Variants in CDC42SE2 observed in about 807,000 individuals in gnomAD.
CDC42SE2 encodes CDC42 small effector 2, also known as CDC42 small effector protein 2.
A neutral mutation model predicts 11.5 loss-of-function variants in CDC42SE2; 3 were observed. The ratio of observed to expected loss-of-function variants is 0.26; its 90% CI spans 0.12 to 0.67. CDC42SE2 has a LOEUF of 0.67. CDC42SE2 is among the 30% of genes least tolerant of loss of function. The pLI is 0.80. For synonymous variants in CDC42SE2, 33 were observed against 34.8 expected, an observed-to-expected ratio of 0.95 and a Z score of 0.18; for missense variants, 82 against 106.8, an observed-to-expected ratio of 0.77 and a Z score of 1.02.
At chr5:131,351,070 C>G (rs1580773186) in intron 2 of CDC42SE2, among the ~76,000 whole-genome samples, 1 of 151,976 alleles carries the variant, frequency 6.6e-6, no homozygotes, top group Non-Finnish European at 1.5e-5. Flanking sequence ...CTCAGCCCCT[C>G]CAAGTAACTG....
intron 3 of CDC42SE2, 50 bp downstream of exon 3, chr5:131,359,597 C>G (rs781477382): frequency 7.4e-7 from 1 of 1,345,298 alleles, no homozygotes; most frequent in South Asian, 1.2e-5. Flanking sequence ...ATTAAACTTT[C>G]CACTGGTTCT....
intron 2 of CDC42SE2, among the ~76,000 whole-genome samples, chr5:131,352,969 T>C (rs1325182886): frequency 6.6e-6 from 1 of 152,046 alleles, no homozygotes. Context: ...CAACTGCTCA[T>C]TGTTAGTTTT....
At chr5:131,231,779 TTTTTTTCTTTTTTC>T in the CDC42SE2 span, among the ~76,000 whole-genome samples, 1 of 151,128 alleles carries the variant, frequency 6.6e-6, no homozygotes, top group Non-Finnish European at 1.5e-5. Context: ...TTGTTATACT[TTTTTTTCTTTTTTC>T]TTTTTTCTTT....
At chr5:131,278,732 CCCT>C (rs1339736101) in intron 1 of CDC42SE2, among the ~76,000 whole-genome samples, 1 of 15,958 alleles carries the variant, frequency 6.3e-5, no homozygotes. Flanking sequence ...CTCCCCCCTC[CCCT>C]CCCCTCCCCC....
chr5:131,213,282 T>C, the CDC42SE2 span, among the ~76,000 whole-genome samples: 3 of 152,198 alleles, frequency 2.0e-5, no homozygotes, highest in African/African-American at 4.8e-5. Context: ...TCTCCAACTT[T>C]TAACTTTACT....
the CDC42SE2 span, among the ~76,000 whole-genome samples, chr5:131,236,397 TTG>T: frequency 1.2e-4 from 19 of 152,260 alleles, no homozygotes; most frequent in African/African-American, 4.3e-4. Context: ...AGTTTGGGGT[TTG>T]AGGTAGATAG....
chr5:131,318,725 T>C (rs187689624), intron 2 of CDC42SE2, among the ~76,000 whole-genome samples: 7 of 152,306 alleles, frequency 4.6e-5, no homozygotes, highest in Admixed American at 1.3e-4. Flanking sequence ...TTTAATCCAA[T>C]TGGCTTTGGA....
At chr5:131,246,761 C>CT (rs71000981) in intron 1 of CDC42SE2, among the ~76,000 whole-genome samples, 77,346 of 124,430 alleles carry the variant, frequency 0.62, 25,853 homozygotes, top group Non-Finnish European at 0.75. Context: ...CACTCAAATC[C>CT]TTTTTTTTTT....
chr5:131,312,937 G>T (rs1757960021), intron 1 of CDC42SE2, among the ~76,000 whole-genome samples: 2 of 151,946 alleles, frequency 1.3e-5, no homozygotes. Context: ...GACGGGAGCT[G>T]TTCCTATTCG....
Position 131,392,110 on chromosome 5 carries a change from A to G in CDC42SE2, c.*1019A>G, listed in dbSNP as rs1281728338. 1 of 152,570 alleles carries G rather than the reference A, an allele frequency of 6.6e-6. No individual in the cohort carries two copies. The highest frequency in any genetic ancestry group is 2.4e-5 in the African/African-American group (1 of 41,382). 9.5% of individuals were successfully genotyped at this position (152,570 alleles called of 1,614,324 possible). A position where few individuals can be genotyped will look rare whatever the true frequency, so the allele number is the denominator to read the frequency against. On this transcript the variant is annotated 3_prime_UTR_variant, in exon 5 of 5. Transcript: ENST00000505065. ...TAATCAGTATGGATCTGATCTTCGC[A>G]TGATCTTTTTTGTGAATGCTAACAC...
chr5:131,218,045 G>A, the CDC42SE2 span, among the ~76,000 whole-genome samples: 4 of 152,044 alleles, frequency 2.6e-5, no homozygotes, highest in Non-Finnish European at 5.9e-5. Flanking sequence ...GCAGGGTGGT[G>A]CATGCCTGTA....
intron 1 of CDC42SE2, among the ~76,000 whole-genome samples, chr5:131,292,154 G>T (rs986580550): frequency 6.8e-6 from 1 of 146,348 alleles, no homozygotes; most frequent in Non-Finnish European, 1.5e-5. Context: ...CAGGAGAATC[G>T]CTTGAGCCTG....
At position 131,274,505 on chromosome 5, in the gene CDC42SE2, G is replaced by A. The variant is rs541396183; in HGVS notation, c.-455+10339G>A. 2.3e-4 allele frequency among the ~76,000 whole-genome samples: 35 copies of A among 152,320 alleles called. 1 individual carries two copies. The South Asian group carries it at 7.2e-3, about 32-fold the overall frequency. ...ATCGTCTCTTGCATGTATTATTTTA[G>A]TAGTCTCTACATGCTGCTTCTGCTG... On this transcript the variant is annotated intron_variant, in intron 1 of 4. Coordinates refer to ENST00000505065, the MANE Select transcript of CDC42SE2 (RefSeq NM_001375635.1).
chr5:131,234,221 G>GAAAAGGCAAATCAGA, the CDC42SE2 span, among the ~76,000 whole-genome samples: 1 of 152,148 alleles, frequency 6.6e-6, no homozygotes, highest in East Asian at 1.9e-4. Flanking sequence ...AACATTTGTT[G>GAAAAGGCAAATCAGA]TTTGCAAATC....
chr5:131,338,695 C>A (rs1258692372), intron 2 of CDC42SE2, among the ~76,000 whole-genome samples: 1 of 152,136 alleles, frequency 6.6e-6, no homozygotes, highest in Admixed American at 6.5e-5. Flanking sequence ...AAGTAACTTG[C>A]CCAAGATCCT....
chr5:131,222,154 T>C, the CDC42SE2 span, among the ~76,000 whole-genome samples: 1 of 152,238 alleles, frequency 6.6e-6, no homozygotes, highest in South Asian at 2.1e-4. Context: ...GTTTCTACTT[T>C]AATATATCTG....
At chr5:131,312,261 T>C (rs982180842) in intron 1 of CDC42SE2, among the ~76,000 whole-genome samples, 5 of 152,000 alleles carry the variant, frequency 3.3e-5, no homozygotes, top group Non-Finnish European at 7.4e-5. Flanking sequence ...TTCTCGGGGG[T>C]TAGGGGTCAG....
At chr5:131,266,954 CTTTTTT>C (rs34496996) in intron 1 of CDC42SE2, among the ~76,000 whole-genome samples, 2 of 69,548 alleles carry the variant, frequency 2.9e-5, no homozygotes, top group African/African-American at 1.0e-4. Context: ...AAGTGTTTGG[CTTTTTT>C]TTTTTTTTTT....
At chr5:131,386,348 G>A (rs1318011910) in intron 4 of CDC42SE2, among the ~76,000 whole-genome samples, 1 of 152,196 alleles carries the variant, frequency 6.6e-6, no homozygotes, top group Non-Finnish European at 1.5e-5. Context: ...GTTCCTAACA[G>A]GCCACTTCTG....
Sources: gnomAD v4.1 joint callset for allele counts (sites outside exome capture counted in the v4.1 genomes callset) on GRCh38, gnomAD v4.1.1 for gene constraint, MANE v1.5 for transcripts, NCBI Gene and HGNC (gene_info 2026-07-23, HGNC 2026-07-21) for gene names.